The following EFNB2 variants were observed in gnomAD, a reference collection of about 807,000 sequenced individuals.
EFNB2 encodes ephrin-B2.
EFNB2 carries 5 observed loss-of-function variants against 32.1 expected under a neutral mutation model. That is an observed-to-expected ratio of 0.16 (90% CI 0.08 to 0.33). EFNB2 has a LOEUF of 0.33. Among genes scored for constraint, EFNB2 ranks in the 10% least tolerant of loss-of-function variants. The pLI, the probability that EFNB2 is intolerant of heterozygous loss-of-function variation, is 1.00. For missense variants in EFNB2, 263 were observed against 422.6 expected, an observed-to-expected ratio of 0.62 and a Z score of 3.31; for synonymous variants, 168 against 166.5, an observed-to-expected ratio of 1.01 and a Z score of -0.07.
In EFNB2 at chr13:106,530,151, T is replaced by C. The variant is rs186004781; in HGVS notation, c.122+4692A>G. On this transcript the variant is annotated intron_variant, in intron 1 of 4. Coordinates refer to ENST00000646441, the MANE Select transcript of EFNB2 (RefSeq NM_004093.4). ...CTTATGTCTTTGTATTCTTTGGCTT[T>C]ATAGAGACAATGAAGCCACAGGAGT... Among the ~76,000 whole-genome samples the C allele has an allele frequency of 4.6e-5, 7 of 152,306 alleles. No individual in the cohort carries two copies. The East Asian group carries it at 7.7e-4, about 17-fold the overall frequency.
chr13:106,501,799 A>G (rs1390476113), intron 2 of EFNB2, among the ~76,000 whole-genome samples: 3 of 152,046 alleles, frequency 2.0e-5, no homozygotes, highest in Non-Finnish European at 4.4e-5. Context: ...TCACAGTGTT[A>G]GCCAGTTTGG....
rs1311986492 is a variant in EFNB2 at position 106,518,988 on chromosome 13, G to A, written c.123-6176C>T. On this transcript the variant is annotated intron_variant, in intron 1 of 4. Coordinates refer to ENST00000646441, the MANE Select transcript of EFNB2 (RefSeq NM_004093.4). The surrounding 1 kb of genome is among the most constrained non-coding windows in gnomAD (Gnocchi z 4.1). ...AATATACCTGGTGGCTCTCCTGAGAGACGCGACAGGTCCACGGAAGGAAAC... is the reference window on the plus strand; with the variant it reads ...AATATACCTGGTGGCTCTCCTGAGAAACGCGACAGGTCCACGGAAGGAAAC... 1 of 152,144 alleles carries A rather than the reference G, an allele frequency of 6.6e-6. No individual in the cohort carries two copies. The highest frequency in any genetic ancestry group is 2.4e-5 in the African/African-American group (1 of 41,420). The allele number at this position is 152,144 out of a possible 1,614,324, so 9.4% of individuals were successfully genotyped here.
intron 1 of EFNB2, among the ~76,000 whole-genome samples, chr13:106,522,829 G>A (rs188573668): frequency 3.9e-4 from 59 of 152,252 alleles, no homozygotes; most frequent in Non-Finnish European, 6.9e-4. Context: ...AGTCTGTCTC[G>A]TTTACCATGG....
intron 1 of EFNB2, among the ~76,000 whole-genome samples, chr13:106,528,503 C>T (rs2090262419): frequency 6.6e-6 from 1 of 151,252 alleles, no homozygotes; most frequent in South Asian, 2.1e-4. Flanking sequence ...AACAAAAAAA[C>T]AGCACTGAAT....
chr13:106,497,359 T>C (rs2138901834), intron 2 of EFNB2, among the ~76,000 whole-genome samples: 1 of 152,176 alleles, frequency 6.6e-6, no homozygotes, highest in Non-Finnish European at 1.5e-5. Flanking sequence ...TGGGCAATAA[T>C]TGCCATAATA....
At chr13:106,528,588 A>G (rs1047215860) in intron 1 of EFNB2, among the ~76,000 whole-genome samples, 1 of 152,170 alleles carries the variant, frequency 6.6e-6, no homozygotes, top group Non-Finnish European at 1.5e-5. Flanking sequence ...GGCATTTTCA[A>G]TGTCTTGAGA....
intron 1 of EFNB2, among the ~76,000 whole-genome samples, chr13:106,532,040 C>T (rs962089670): frequency 2.1e-5 from 3 of 144,386 alleles, no homozygotes; most frequent in Admixed American, 7.1e-5. Context: ...CTAGGCATTA[C>T]TGTTCTCTGC....
chr13:106,531,390 G>T (rs538424683), intron 1 of EFNB2, among the ~76,000 whole-genome samples: 1 of 152,326 alleles, frequency 6.6e-6, no homozygotes, highest in African/African-American at 2.4e-5. Flanking sequence ...GAGGAATGTG[G>T]ATGTGAAAGC....
rs1229987162 is a variant in EFNB2, at chr13:106,490,504, A to C, written c.*2536T>G. The C allele has an allele frequency of 6.6e-6, 1 of 152,174 alleles. No individual in the cohort carries two copies. The allele number at this position is 152,174 out of a possible 1,614,324, so 9.4% of individuals were successfully genotyped here. On this transcript the variant is annotated 3_prime_UTR_variant, in exon 5 of 5. Coordinates refer to ENST00000646441, the MANE Select transcript of EFNB2 (RefSeq NM_004093.4). ...CTTTTATCAATTCATCTGATTTTTC[A>C]CAGTTTAGCATAGAACCAAAACGTA...
At chr13:106,495,446 A>C (rs1190884059) in intron 3 of EFNB2, among the ~76,000 whole-genome samples, 1 of 152,204 alleles carries the variant, frequency 6.6e-6, no homozygotes, top group African/African-American at 2.4e-5. Context: ...ATTTTGAACC[A>C]AAGTGTTTTG....
At chr13:106,503,130 G>A (rs1181342283) in intron 2 of EFNB2, among the ~76,000 whole-genome samples, 1 of 152,062 alleles carries the variant, frequency 6.6e-6, no homozygotes, top group East Asian at 1.9e-4. Context: ...GAACAGCTTG[G>A]TGTCTTGATT....
intron 2 of EFNB2, among the ~76,000 whole-genome samples, chr13:106,504,962 G>A (rs879433345): frequency 5.9e-5 from 9 of 152,106 alleles, no homozygotes; most frequent in Non-Finnish European, 1.2e-4. Context: ...GGAATTAAGA[G>A]TATGTCTAAA....
chr13:106,509,248 A>G (rs949080695), intron 2 of EFNB2, among the ~76,000 whole-genome samples: 4 of 152,206 alleles, frequency 2.6e-5, no homozygotes, highest in African/African-American at 9.7e-5. Context: ...GTACTCCCCA[A>G]TGCAAGTCAG....
intron 1 of EFNB2, among the ~76,000 whole-genome samples, chr13:106,534,414 G>C (rs375188136): frequency 6.6e-6 from 1 of 152,220 alleles, no homozygotes; most frequent in East Asian, 1.9e-4. Context: ...CCCGCCCGCG[G>C]GCCCCGGACC....
intron 1 of EFNB2, among the ~76,000 whole-genome samples, chr13:106,526,257 C>T (rs1162867683): frequency 1.3e-5 from 2 of 152,172 alleles, no homozygotes; most frequent in Non-Finnish European, 2.9e-5. Context: ...GGGTAAACTG[C>T]CATCAGCACA....
intron 1 of EFNB2, among the ~76,000 whole-genome samples, chr13:106,532,057 AAAAAAAAAAC>A (rs1023743657): frequency 1.0e-5 from 1 of 98,232 alleles, no homozygotes; most frequent in Non-Finnish European, 2.1e-5. Flanking sequence ...CTGCTGAATT[AAAAAAAAAAC>A]AAAAAAAAAA....
chr13:106,532,066 AC>A (rs370902011), intron 1 of EFNB2, among the ~76,000 whole-genome samples: 76,924 of 148,338 alleles, frequency 0.52, 20,758 homozygotes, highest in East Asian at 0.8. Flanking sequence ...TAAAAAAAAA[AC>A]AAAAAAAAAA....
chr13:106,533,572 G>A (rs1879955562), intron 1 of EFNB2, among the ~76,000 whole-genome samples: 1 of 152,106 alleles, frequency 6.6e-6, no homozygotes, highest in Admixed American at 6.5e-5. Flanking sequence ...TTTCATGAAG[G>A]GATTCTTGGT....
chr13:106,508,500 G>T (rs1879032896), intron 2 of EFNB2, among the ~76,000 whole-genome samples: 1 of 152,082 alleles, frequency 6.6e-6, no homozygotes, highest in East Asian at 1.9e-4. Flanking sequence ...TGAAGATTAG[G>T]AGATCTCATT....
Sources: gnomAD v4.1 joint callset for allele counts (sites outside exome capture counted in the v4.1 genomes callset) on GRCh38, gnomAD v4.1.1 for gene constraint, Gnocchi (gnomAD v3.1) non-coding constraint, MANE v1.5 for transcripts, NCBI Gene and HGNC (gene_info 2026-07-23, HGNC 2026-07-21) for gene names.